LRIT3: variants seen among roughly 807,000 people sequenced by gnomAD.
LRIT3 encodes leucine-rich repeat, immunoglobulin-like domain and transmembrane domain-containing protein 3.
A neutral mutation model predicts 22.6 loss-of-function variants in LRIT3; 14 were observed. The observed-to-expected ratio is 0.62, with a 90% confidence interval of 0.41 to 0.97. The LOEUF (loss-of-function observed/expected upper bound fraction) is 0.97. LRIT3 is among the 50% of genes least tolerant of loss of function. The pLI is 0.00. For synonymous variants in LRIT3, 306 were observed against 304.5 expected (o/e 1.01, Z -0.05); for missense variants, 783 against 803.0 (o/e 0.98, Z 0.30).
chr4:109,849,857 C>T (rs904910195), intron 1 of LRIT3, among the ~76,000 whole-genome samples: 18 of 152,222 alleles, frequency 1.2e-4, no homozygotes, highest in African/African-American at 2.9e-4. Context: ...AGGTAATCCA[C>T]GCACCTCGGC....
At chr4:109,860,727 A>G (rs1249007879) in intron 2 of LRIT3, among the ~76,000 whole-genome samples, 1 of 152,206 alleles carries the variant, frequency 6.6e-6, no homozygotes, top group Non-Finnish European at 1.5e-5. Context: ...TGCCTCACCT[A>G]TTTGAATTTT....
chr4:109,861,743 T>G (rs1560593059), intron 2 of LRIT3, among the ~76,000 whole-genome samples: 1 of 152,240 alleles, frequency 6.6e-6, no homozygotes, highest in Non-Finnish European at 1.5e-5. Context: ...ACTTGCCTAT[T>G]TATTTTTTCC....
rs1397241846 is a variant in LRIT3 at position 109,867,962 on chromosome 4, A to G, written c.895+16A>G. 6.3e-7 allele frequency: 1 copy of G among 1,596,638 alleles called. No homozygotes were observed. The highest frequency in any genetic ancestry group is 1.3e-5 in the African/African-American group (1 of 74,530). On this transcript the variant is annotated intron_variant, in intron 3 of 3. Transcript: ENST00000594814. Reference sequence around the variant, plus strand: ...AATTATACAGGTATTTTCTTAATTCAGCCCCATGATCAAAGGAGTTTACTA... The same window carrying G: ...AATTATACAGGTATTTTCTTAATTCGGCCCCATGATCAAAGGAGTTTACTA...
At chr4:109,860,861 A>G (rs1026644877) in intron 2 of LRIT3, among the ~76,000 whole-genome samples, 2 of 152,222 alleles carry the variant, frequency 1.3e-5, no homozygotes, top group African/African-American at 2.4e-5. Flanking sequence ...ATGCTGTCGC[A>G]TGTATTGGTA....
Position 109,869,833 on chromosome 4 carries a change from G to A in LRIT3, c.1084G>A (p.Gly362Arg). Residue 362 changes from glycine to arginine, a missense_variant, in exon 4 of 4, where the codon GGA becomes AGA. Transcript: ENST00000594814. ...ACCACCAGACACTTCTGAAAGAACT[G>A]GAGATCATCCTGAGTGGGATGTCCA... ...PIPPDTSERT[G>R]DHPEWDVQPG... The A allele has an allele frequency of 6.2e-7, 1 of 1,614,080 alleles. No individual in the cohort carries two copies. The highest frequency in any genetic ancestry group is 1.6e-4 in the Middle Eastern group (1 of 6,062).
chr4:109,852,058 T>C (rs971261122), intron 2 of LRIT3, 82 bp downstream of exon 2: 1 of 1,335,166 alleles, frequency 7.5e-7, no homozygotes, highest in African/African-American at 1.5e-5. Context: ...TTAAAATTTG[T>C]TGGATTTGGC....
At chr4:109,856,841 G>A (rs1428791033) in intron 2 of LRIT3, among the ~76,000 whole-genome samples, 1 of 152,150 alleles carries the variant, frequency 6.6e-6, no homozygotes, top group Non-Finnish European at 1.5e-5. Flanking sequence ...TCCGCAAAAT[G>A]AGCAGTTTGA....
At chr4:109,860,535 T>C (rs1196699445) in intron 2 of LRIT3, among the ~76,000 whole-genome samples, 1 of 152,190 alleles carries the variant, frequency 6.6e-6, no homozygotes, top group Non-Finnish European at 1.5e-5. Context: ...ACTCTTTACT[T>C]TTTAAAACCT....
At chr4:109,861,639 C>T (rs1734548656) in intron 2 of LRIT3, among the ~76,000 whole-genome samples, 2 of 152,068 alleles carry the variant, frequency 1.3e-5, no homozygotes, top group Admixed American at 1.3e-4. Flanking sequence ...TATGAACTAT[C>T]TTTTGCTTAA....
At chr4:109,856,175 A>G (rs1237813716) in intron 2 of LRIT3, among the ~76,000 whole-genome samples, 3 of 152,172 alleles carry the variant, frequency 2.0e-5, no homozygotes, top group African/African-American at 7.2e-5. Context: ...CTGGCAGTCC[A>G]ACCTGGCATT....
In LRIT3 at chr4:109,869,679, G is replaced by A. The variant is rs1207259834; in HGVS notation, c.930G>A (p.Trp310Ter). Reference sequence around the variant, plus strand: ...AATCTCCAGAGGAAGGAGTCAGATGGTCCATAATGAGCTTGACAGGCATTT... The same window carrying A: ...AATCTCCAGAGGAAGGAGTCAGATGATCCATAATGAGCTTGACAGGCATTT... ...IQESPEEGVR[W>*]SIMSLTGISS... is the part of the protein sequence containing the mutation. The change falls in exon 4 of 4, where the codon TGG becomes TGA. Residue 310 changes from tryptophan to a stop codon, truncating the protein, a stop_gained. Coordinates refer to ENST00000594814, the MANE Select transcript of LRIT3 (RefSeq NM_198506.5). LOFTEE classifies it low-confidence loss of function (END_TRUNC). 1 of 1,580,980 alleles carries A rather than the reference G, an allele frequency of 6.3e-7. No homozygotes were observed. Among genetic ancestry groups the A allele is most frequent in the South Asian group, 1.2e-5 (1 of 84,258 alleles).
chr4:109,857,862 A>C (rs1237929830), intron 2 of LRIT3, among the ~76,000 whole-genome samples: 1 of 152,210 alleles, frequency 6.6e-6, no homozygotes, highest in African/African-American at 2.4e-5. Flanking sequence ...CAGGTCCTAA[A>C]GGCTTATATT....
chr4:109,867,922 G>GAC lies in LRIT3; in HGVS notation c.873_874dup (p.Ser292ThrfsTer9). The GAC allele has an allele frequency of 6.2e-7, 1 of 1,611,242 alleles. No individual in the cohort carries two copies. The highest frequency in any genetic ancestry group is 8.5e-7 in the Non-Finnish European group (1 of 1,178,278). The stretch of plus-strand genomic sequence containing the variant: ...CCCACAGATCACATGGACCAGATCT[G>GAC]ACAGCTCGCCAGTTAATTATACAGG... On this transcript the variant is annotated frameshift_variant, in exon 3 of 4. Coordinates refer to ENST00000594814, the MANE Select transcript of LRIT3 (RefSeq NM_198506.5). LOFTEE classifies it low-confidence loss of function (END_TRUNC).
chr4:109,848,296 GAA>G lies in LRIT3; in HGVS notation c.97_98del (p.Asn33Ter). 1 of 1,231,896 alleles carries G rather than the reference GAA, an allele frequency of 8.1e-7. No homozygotes were observed. The highest frequency in any genetic ancestry group is 4.1e-5 in the South Asian group (1 of 24,312). 76.3% of individuals were successfully genotyped at this position (1,231,896 alleles called of 1,614,324 possible). A position where few individuals can be genotyped will look rare whatever the true frequency, so the allele number is the denominator to read the frequency against. ...CAGTGCACCTGTGATTATCACGGCA[GAA>G]ATGACGGCTCAGGATCAAGGTATGC... On this transcript the variant is annotated frameshift_variant, in exon 1 of 4. Transcript: ENST00000594814. LOFTEE classifies it high-confidence loss of function.
At chr4:109,851,176 T>C (rs904715358) in intron 1 of LRIT3, among the ~76,000 whole-genome samples, 3 of 152,200 alleles carry the variant, frequency 2.0e-5, no homozygotes, top group African/African-American at 7.2e-5. Context: ...TTGTTGACAG[T>C]AGCAGCAAAT....
At chr4:109,864,696 C>G (rs1036071036) in intron 2 of LRIT3, among the ~76,000 whole-genome samples, 1 of 152,028 alleles carries the variant, frequency 6.6e-6, no homozygotes, top group Non-Finnish European at 1.5e-5. Context: ...AATACATGTA[C>G]AAAGTAAAAT....
rs1475506166 is a variant in LRIT3 at position 109,865,978 on chromosome 4, A to G, written c.590-1663A>G. ...AATTCAAATTAATATTGATTCAATA[A>G]CTAGGTATAGATTAACAAGATTAAA... On this transcript the variant is annotated intron_variant, in intron 2 of 3. Transcript: ENST00000594814. Among the ~76,000 whole-genome samples, 3 of 152,344 alleles carry G rather than the reference A, an allele frequency of 2.0e-5. No homozygotes were observed. The East Asian group carries it at 5.8e-4, about 29-fold the overall frequency.
intron 3 of LRIT3, among the ~76,000 whole-genome samples, chr4:109,869,070 GT>G (rs1429210199): frequency 1.3e-5 from 2 of 152,078 alleles, no homozygotes; most frequent in Non-Finnish European, 2.9e-5. Context: ...TGATTTGCCA[GT>G]TTACCTAAGT....
intron 2 of LRIT3, among the ~76,000 whole-genome samples, chr4:109,862,587 T>G (rs1358138243): frequency 1.3e-5 from 2 of 152,252 alleles, no homozygotes; most frequent in Non-Finnish European, 2.9e-5. Context: ...CTTTCACCAT[T>G]AATACATTTT....
Sources: gnomAD v4.1 joint callset for allele counts (sites outside exome capture counted in the v4.1 genomes callset) on GRCh38, gnomAD v4.1.1 for gene constraint, MANE v1.5 for transcripts, NCBI Gene and HGNC (gene_info 2026-07-23, HGNC 2026-07-21) for gene names.